PHTF2: variants seen among roughly 807,000 people sequenced by gnomAD.
PHTF2 encodes protein PHTF2.
A neutral mutation model predicts 101.2 loss-of-function variants in PHTF2; 60 were observed. That is an observed-to-expected ratio of 0.59 (90% confidence interval 0.48 to 0.73). The LOEUF (loss-of-function observed/expected upper bound fraction) is 0.73. Ranked by LOEUF, PHTF2 falls within the 30% of genes least tolerant of loss-of-function variation. The pLI is 0.00. For synonymous variants in PHTF2, 311 were observed against 307.3 expected, an observed-to-expected ratio of 1.01 and a Z score of -0.13; for missense variants, 747 against 908.7, an observed-to-expected ratio of 0.82 and a Z score of 2.29.
intron 2 of PHTF2, among the ~76,000 whole-genome samples, chr7:77,850,343 A>G (rs1409287886): frequency 7.1e-6 from 1 of 140,890 alleles, no homozygotes; most frequent in East Asian, 2.0e-4. Flanking sequence ...CCTGAAAGAC[A>G]AAGCAAGACC....
At chr7:77,915,742 A>G (rs1802853208) in intron 9 of PHTF2, among the ~76,000 whole-genome samples, 1 of 152,024 alleles carries the variant, frequency 6.6e-6, no homozygotes, top group African/African-American at 2.4e-5. Flanking sequence ...TTTCCTTGCC[A>G]AGGGTGTTGC....
chr7:77,829,308 T>C (rs1186650886), intron 1 of PHTF2, among the ~76,000 whole-genome samples: 3 of 152,248 alleles, frequency 2.0e-5, no homozygotes, highest in African/African-American at 7.2e-5. Context: ...ATGTATCATC[T>C]TCTAGCCCAA....
chr7:77,819,576 A>T (rs1380527211), intron 1 of PHTF2, among the ~76,000 whole-genome samples: 1 of 152,200 alleles, frequency 6.6e-6, no homozygotes, highest in East Asian at 1.9e-4. Context: ...CGTTCCTCAG[A>T]TAAATTCCCC....
chr7:77,916,511 C>A (rs934021775), intron 9 of PHTF2, among the ~76,000 whole-genome samples: 3 of 152,124 alleles, frequency 2.0e-5, no homozygotes, highest in Admixed American at 1.3e-4. Context: ...AGCTCTCCTA[C>A]CATTTACACT....
chr7:77,933,627 A>G (rs1191667214), intron 12 of PHTF2, among the ~76,000 whole-genome samples: 1 of 152,148 alleles, frequency 6.6e-6, no homozygotes, highest in Non-Finnish European at 1.5e-5. Context: ...ACTGAGACTA[A>G]CAACTGGAGT....
chr7:77,933,457 G>A (rs531993095), intron 12 of PHTF2, among the ~76,000 whole-genome samples: 2 of 152,284 alleles, frequency 1.3e-5, no homozygotes, highest in South Asian at 4.1e-4. Context: ...AAGATGGGAA[G>A]TTGTAGTAGA....
At chr7:77,823,956 G>A (rs1052136335) in intron 1 of PHTF2, among the ~76,000 whole-genome samples, 1 of 152,198 alleles carries the variant, frequency 6.6e-6, no homozygotes, top group African/African-American at 2.4e-5. Flanking sequence ...AAGATAAGTA[G>A]TGAAAGTAAA....
chr7:77,865,701 G>T (rs1037966079), intron 3 of PHTF2, among the ~76,000 whole-genome samples: 1 of 151,978 alleles, frequency 6.6e-6, no homozygotes, highest in African/African-American at 2.4e-5. Flanking sequence ...CTTGGTACTT[G>T]GTAAATGTTT....
chr7:77,914,007 A>T (rs2150884808), intron 9 of PHTF2, among the ~76,000 whole-genome samples: 1 of 150,270 alleles, frequency 6.7e-6, no homozygotes, highest in East Asian at 2.0e-4. Context: ...CAGAGGTTGC[A>T]GTGAGCTGAG....
At chr7:77,895,656 T>G (rs1419393807) in intron 5 of PHTF2, among the ~76,000 whole-genome samples, 2 of 152,160 alleles carry the variant, frequency 1.3e-5, no homozygotes, top group African/African-American at 4.8e-5. Flanking sequence ...ATTCACAAAT[T>G]ACTACATTAC....
Position 77,868,230 on chromosome 7 carries a change from A to G in PHTF2, c.147+13396A>G, listed in dbSNP as rs140343863. 5.2e-3 allele frequency among the ~76,000 whole-genome samples: 780 copies of G among 150,194 alleles called. 8 individuals are homozygous for G. Among genetic ancestry groups the G allele is most frequent in the African/African-American group, 0.018 (734 of 40,900 alleles). On this transcript the variant is annotated intron_variant, in intron 3 of 19. Coordinates refer to ENST00000416283, the Ensembl canonical transcript of PHTF2. ...CTATCATAGCTCAATGCAGCCTCCA[A>G]CTCCTGAGCTCAAGCAGTCTTCCTG... is the stretch of plus-strand genomic sequence containing the variant.
chr7:77,812,887 C>G (rs975369138), intron 1 of PHTF2, among the ~76,000 whole-genome samples: 9 of 152,060 alleles, frequency 5.9e-5, no homozygotes, highest in African/African-American at 1.9e-4. Flanking sequence ...CAGCACCCAG[C>G]CAATAATGTG....
intron 1 of PHTF2, among the ~76,000 whole-genome samples, chr7:77,800,688 GA>G (rs562066979): frequency 1.3e-5 from 2 of 152,088 alleles, no homozygotes; most frequent in Admixed American, 6.5e-5. Context: ...AATATGTAAT[GA>G]AAAAAACCTT....
intron 1 of PHTF2, among the ~76,000 whole-genome samples, chr7:77,803,689 G>A (rs1194915142): frequency 5.4e-5 from 3 of 56,014 alleles, no homozygotes; most frequent in East Asian, 3.6e-4. Flanking sequence ...TTGAACAGGC[G>A]TGTGTGTGTG....
chr7:77,952,606 G>A (rs548690801), intron 18 of PHTF2, among the ~76,000 whole-genome samples: 28 of 152,256 alleles, frequency 1.8e-4, no homozygotes, highest in South Asian at 4.1e-4. Flanking sequence ...AAAATATCTT[G>A]AATTAATAGT....
At chr7:77,897,618 TG>T (rs1800992171) in intron 5 of PHTF2, among the ~76,000 whole-genome samples, 1 of 152,210 alleles carries the variant, frequency 6.6e-6, no homozygotes, top group Non-Finnish European at 1.5e-5. Flanking sequence ...TTTGTGTGAA[TG>T]TGGTTTACCC....
chr7:77,938,370 T>G (rs777887755), intron 13 of PHTF2, among the ~76,000 whole-genome samples: 1 of 152,206 alleles, frequency 6.6e-6, no homozygotes, highest in African/African-American at 2.4e-5. Flanking sequence ...AGAAGTCTAA[T>G]TGAAATACTG....
At chr7:77,954,162 T>A (rs2151003438) in intron 19 of PHTF2, among the ~76,000 whole-genome samples, 1 of 151,906 alleles carries the variant, frequency 6.6e-6, no homozygotes, top group African/African-American at 2.4e-5. Flanking sequence ...TGAGATGGAG[T>A]CTGCTCTGTT....
chr7:77,816,257 T>A (rs1029648264), intron 1 of PHTF2, among the ~76,000 whole-genome samples: 4 of 152,038 alleles, frequency 2.6e-5, no homozygotes, highest in African/African-American at 7.3e-5. Flanking sequence ...GTATTTTTAG[T>A]AGAGATGGGG....
Sources: allele counts gnomAD v4.1 joint callset (sites outside exome capture counted in the v4.1 genomes callset), GRCh38; gene constraint gnomAD v4.1.1; transcripts MANE v1.5; gene names NCBI Gene and HGNC (gene_info 2026-07-23, HGNC 2026-07-21).